Variants in PSMC3IP observed in about 807,000 individuals in gnomAD.
PSMC3IP encodes the protein homologous-pairing protein 2 homolog.
PSMC3IP carries 26 observed loss-of-function variants against 34.9 expected under a neutral mutation model. That is an observed-to-expected ratio of 0.74 (90% confidence interval 0.55 to 1.03). The LOEUF (loss-of-function observed/expected upper bound fraction) is 1.03. Among genes scored for constraint, PSMC3IP ranks in the 50% least tolerant of loss-of-function variants. PSMC3IP has a pLI of 0.00. For missense variants in PSMC3IP, 250 were observed against 263.1 expected, an observed-to-expected ratio of 0.95 and a Z score of 0.34; for synonymous variants, 87 against 96.5, an observed-to-expected ratio of 0.90 and a Z score of 0.57.
intron 4 of PSMC3IP, 148 bp from the exon 5 acceptor site, chr17:42,573,771 A>G: frequency 6.7e-7 from 1 of 1,496,990 alleles, no homozygotes; most frequent in Non-Finnish European, 9.0e-7. Context: ...TATTCTTCTA[A>G]TTTTCTTTCC....
At chr17:42,577,744 C>T (rs1370182348), upstream of PSMC3IP, 5 of 1,606,150 alleles carry the variant, frequency 3.1e-6, no homozygotes, top group East Asian at 2.2e-5. Context: ...GGGGCGACGG[C>T]TCCTTCCGGC....
intron 4 of PSMC3IP, chr17:42,573,885 A>G: frequency 6.5e-7 from 1 of 1,531,764 alleles, no homozygotes; most frequent in Non-Finnish European, 8.7e-7. Flanking sequence ...TGTACTGATA[A>G]TCGTGGCAGG....
chr17:42,577,323 A>G (rs1352699280), intron 2 of PSMC3IP, 21 bp from the exon 3 acceptor site: 2 of 1,613,042 alleles, frequency 1.2e-6, no homozygotes, highest in Non-Finnish European at 1.7e-6. Context: ...AGAGAGAAGG[A>G]GCAATCAGAG....
At position 42,574,067 on chromosome 17, in the gene PSMC3IP, A is replaced by G. The variant is rs776652378; in HGVS notation, c.337+32T>C. 6.2e-6 allele frequency: 10 copies of G among 1,613,242 alleles called. No homozygotes were observed. In the East Asian group the frequency reaches 1.6e-4, roughly 25 times the overall value. Reference sequence around the variant, plus strand: ...TGACCTCTAGAATGAACCTAAGCCTATGGGCACTTTGGAGGGGCTACCCAG... The same window carrying G: ...TGACCTCTAGAATGAACCTAAGCCTGTGGGCACTTTGGAGGGGCTACCCAG... On this transcript the variant is annotated intron_variant, in intron 4 of 7. Coordinates refer to ENST00000393795, the MANE Select transcript of PSMC3IP (RefSeq NM_016556.4).
intron 3 of PSMC3IP, among the ~76,000 whole-genome samples, chr17:42,574,994 T>C (rs973491490): frequency 2.6e-5 from 4 of 152,198 alleles, no homozygotes; most frequent in African/African-American, 9.7e-5. Context: ...GCTCAAGTGA[T>C]CCATCCGCCT....
chr17:42,573,936 A>G, intron 4 of PSMC3IP, 163 bp downstream of exon 4: 1 of 1,534,280 alleles, frequency 6.5e-7, no homozygotes, highest in Non-Finnish European at 8.7e-7. Context: ...GGTACACAAA[A>G]GCCGTTAGTT....
intron 4 of PSMC3IP, 161 bp downstream of exon 4, chr17:42,573,938 C>G: frequency 6.5e-7 from 1 of 1,534,296 alleles, no homozygotes; most frequent in East Asian, 2.4e-5. Flanking sequence ...TACACAAAAG[C>G]CGTTAGTTAT....
At chr17:42,573,923 GTTGGTACA>G in intron 4 of PSMC3IP, 168 bp downstream of exon 4, 1 of 1,533,018 alleles carries the variant, frequency 6.5e-7, no homozygotes, top group Non-Finnish European at 8.7e-7. Flanking sequence ...TTGTCCATTT[GTTGGTACA>G]CAAAAGCCGT....
chr17:42,573,687 G>A, intron 4 of PSMC3IP, 64 bp from the exon 5 acceptor site: 1 of 1,590,710 alleles, frequency 6.3e-7, no homozygotes, highest in Non-Finnish European at 8.6e-7. Flanking sequence ...CTTTCCCAGT[G>A]GGTGCTCCCT....
At position 42,573,480 on chromosome 17, in the gene PSMC3IP, G is replaced by C. The variant is rs1555626775; in HGVS notation, c.481C>G (p.Gln161Glu). 3.7e-6 allele frequency: 6 copies of C among 1,614,196 alleles called. No homozygotes were observed. Among genetic ancestry groups the C allele is most frequent in the Non-Finnish European group, 4.2e-6 (5 of 1,180,032 alleles). Residue 161 changes from glutamine to glutamate, a missense_variant and splice_region_variant, in exon 5 of 8, where the codon CAG becomes GAG. Gln to Glu is a conservative substitution (Grantham distance 29, BLOSUM62 2). Coordinates refer to ENST00000393795, the MANE Select transcript of PSMC3IP (RefSeq NM_016556.4). ...GGTCCTACAGCCTTCCAGCTCACCT[G>C]CTCTTTCTCTTCTGGAGTCACATGA... ...TNHVTPEEKE[Q>E]VYRERQKYCK...
Position 42,572,900 on chromosome 17 carries a change from G to A in PSMC3IP, c.*68C>T, listed in dbSNP as rs559298810. The A allele has an allele frequency of 6.4e-7, 1 of 1,567,578 alleles. No homozygotes were observed. The highest frequency in any genetic ancestry group is 1.7e-5 in the Admixed American group (1 of 59,952). ...ACAACAAAAGCCAACCAAAAACAAGGTAGCCAGTGCAAGACATCTCACTCT... is the reference window on the plus strand; with the variant it reads ...ACAACAAAAGCCAACCAAAAACAAGATAGCCAGTGCAAGACATCTCACTCT... On this transcript the variant is annotated 3_prime_UTR_variant, in exon 8 of 8. Transcript: ENST00000393795.
At chr17:42,576,231 T>C (rs2093074773) in intron 3 of PSMC3IP, among the ~76,000 whole-genome samples, 1 of 152,054 alleles carries the variant, frequency 6.6e-6, no homozygotes, top group Non-Finnish European at 1.5e-5. Context: ...CTAGTGTTCG[T>C]GGATAGAAAA....
chr17:42,577,003 C>T (rs1597726953), intron 3 of PSMC3IP: 2 of 1,236,970 alleles, frequency 1.6e-6, no homozygotes, highest in African/African-American at 1.5e-5. Context: ...AGCAACAATA[C>T]AGAATCTTCT....
Position 42,572,958 on chromosome 17 carries a change from C to T in PSMC3IP, c.*10G>A, listed in dbSNP as rs775576575. On this transcript the variant is annotated 3_prime_UTR_variant, in exon 8 of 8. Transcript: ENST00000393795. ...TCCTGCAGTCCCCACCAGTCCTGAC[C>T]GTGGGCCCCTCAGGGGTCTGGGAGT... The T allele has an allele frequency of 8.7e-6, 14 of 1,613,914 alleles. No homozygotes were observed. Among genetic ancestry groups the T allele is most frequent in the South Asian group, 4.4e-5 (4 of 91,058 alleles).
Position 42,573,340 on chromosome 17 carries a change from A to G in PSMC3IP, c.508T>C (p.Cys170Arg), listed in dbSNP as rs2093049266. 1 of 1,614,034 alleles carries G rather than the reference A, an allele frequency of 6.2e-7. No homozygotes were observed. The highest frequency in any genetic ancestry group is 1.3e-5 in the African/African-American group (1 of 74,998). ...EQVYRERQKY[C>R]KEWRKRKRMA... The stretch of plus-strand genomic sequence containing the variant: ...CTCTTCCTCTTCCTCCACTCCTTAC[A>G]GTACTTCTGCCTCTCTCTGTACACC... The change falls in exon 6 of 8, where the codon TGT becomes CGT. Residue 170 changes from cysteine to arginine, a missense_variant. Cys to Arg is a radical substitution (Grantham distance 180). Coordinates refer to ENST00000393795, the MANE Select transcript of PSMC3IP (RefSeq NM_016556.4).
chr17:42,572,756 T>G lies in PSMC3IP; in HGVS notation c.*212A>C, dbSNP rs773847223. The G allele has an allele frequency of 2.3e-5, 16 of 681,806 alleles. No homozygotes were observed. The highest frequency in any genetic ancestry group is 3.8e-4 in the Middle Eastern group (1 of 2,652). 42.2% of individuals were successfully genotyped at this position (681,806 alleles called of 1,614,324 possible). On this transcript the variant is annotated 3_prime_UTR_variant, in exon 8 of 8. Transcript: ENST00000393795. ...AATGTTAACCTCAAGCTACTGCAAT[T>G]TAGACAATGAAATGGGCTGGGTCTA...
intron 5 of PSMC3IP, 31 bp from the exon 6 acceptor site, chr17:42,573,395 C>G: frequency 6.2e-7 from 1 of 1,614,218 alleles, no homozygotes; most frequent in Non-Finnish European, 8.5e-7. Flanking sequence ...CCTCTAACTC[C>G]TCAGAACCAC....
At position 42,577,243 on chromosome 17, in the gene PSMC3IP, G is replaced by A. The variant is rs34493813; in HGVS notation, c.195C>T (p.Tyr65=). Residue 65 remains tyrosine, a synonymous_variant, in exon 3 of 8, where the codon TAC becomes TAT. Transcript: ENST00000393795. The stretch of plus-strand genomic sequence containing the variant: ...CCGCAAAATAGATCTTCTGCTTGCC[G>A]TACATCTTCTCTTTGATCTTGCCTT... The part of the protein sequence containing the change: ...AQQGKIKEKM[Y]GKQKIYFADQ... 15 of 1,613,876 alleles carry A rather than the reference G, an allele frequency of 9.3e-6. No homozygotes were observed. Among genetic ancestry groups the A allele is most frequent in the Middle Eastern group, 1.6e-4 (1 of 6,084 alleles).
At position 42,573,697 on chromosome 17, in the gene PSMC3IP, T is replaced by C. The variant is rs552862649; in HGVS notation, c.338-74A>G. ...TCTGTCTTTCCCAGTGGGTGCTCCC[T>C]GAGGTGTTCCACCTTGCTCTGGATC... is the stretch of plus-strand genomic sequence containing the variant. On this transcript the variant is annotated intron_variant, in intron 4 of 7. Transcript: ENST00000393795. 124 of 1,578,108 alleles carry C rather than the reference T, an allele frequency of 7.9e-5. 1 individual carries two copies. The African/African-American group carries it at 1.5e-3, about 20-fold the overall frequency.
Sources: gnomAD v4.1 joint callset for allele counts (sites outside exome capture counted in the v4.1 genomes callset) on GRCh38, gnomAD v4.1.1 for gene constraint, MANE v1.5 for transcripts, NCBI Gene and HGNC (gene_info 2026-07-23, HGNC 2026-07-21) for gene names.